Variants in NTNG1 observed in about 807,000 individuals in gnomAD.
The protein encoded by NTNG1 is netrin-G1.
NTNG1 carries 16 observed loss-of-function variants against 54.0 expected under a neutral mutation model. The ratio of observed to expected loss-of-function variants is 0.30; its 90% CI spans 0.20 to 0.45. The LOEUF (loss-of-function observed/expected upper bound fraction) is 0.45, where lower values mean the gene tolerates loss of function less well. Ranked by LOEUF, NTNG1 falls within the 20% of genes least tolerant of loss-of-function variation. The pLI is 1.00. For synonymous variants in NTNG1, 255 were observed against 263.1 expected, an observed-to-expected ratio of 0.97 and a Z score of 0.30; for missense variants, 530 against 678.7, an observed-to-expected ratio of 0.78 and a Z score of 2.43.
At chr1:107,475,890 C>G (rs548270229) in intron 7 of NTNG1, among the ~76,000 whole-genome samples, 1 of 152,124 alleles carries the variant, frequency 6.6e-6, no homozygotes, top group African/African-American at 2.4e-5. Context: ...AAAAATGTCT[C>G]CAGACATTGT....
intron 2 of NTNG1, among the ~76,000 whole-genome samples, chr1:107,290,417 G>A (rs975477834): frequency 5.3e-5 from 8 of 152,144 alleles, no homozygotes; most frequent in Non-Finnish European, 7.4e-5. Context: ...GCTGAAAGAC[G>A]TGGACCCTGA....
chr1:107,160,581 A>G (rs959169723), intron 2 of NTNG1, among the ~76,000 whole-genome samples: 2 of 151,078 alleles, frequency 1.3e-5, no homozygotes, highest in African/African-American at 4.9e-5. Context: ...ATTTAAAAAA[A>G]TCTCAGCCAG....
intron 2 of NTNG1, chr1:107,261,166 G>A (rs1663294931): frequency 6.6e-6 from 1 of 152,134 alleles, no homozygotes; most frequent in Non-Finnish European, 1.5e-5. Flanking sequence ...ACCAGGTCCT[G>A]GGTCCTGTGC....
At chr1:107,187,666 G>A (rs144329743) in intron 2 of NTNG1, among the ~76,000 whole-genome samples, 4 of 152,248 alleles carry the variant, frequency 2.6e-5, no homozygotes, top group Middle Eastern at 3.4e-3. Context: ...AAAGGACAAC[G>A]AAGAGTTAAC....
intron 6 of NTNG1, among the ~76,000 whole-genome samples, chr1:107,436,089 G>A (rs191492450): frequency 8.5e-5 from 13 of 152,196 alleles, no homozygotes; most frequent in African/African-American, 2.4e-4. Context: ...TTGTTAAGCT[G>A]GGCTGCATAA....
At chr1:107,342,370 CT>C (rs1441958254) in intron 3 of NTNG1, among the ~76,000 whole-genome samples, 1 of 152,026 alleles carries the variant, frequency 6.6e-6, no homozygotes, top group Non-Finnish European at 1.5e-5. Flanking sequence ...TCAGATTTAA[CT>C]GCTTTGCACA....
intron 7 of NTNG1, among the ~76,000 whole-genome samples, chr1:107,476,601 A>T (rs1426901808): frequency 6.6e-6 from 1 of 152,148 alleles, no homozygotes; most frequent in Non-Finnish European, 1.5e-5. Context: ...ACTCTCTCTT[A>T]TCCATTCACA....
intron 2 of NTNG1, among the ~76,000 whole-genome samples, chr1:107,299,347 G>T (rs1015519513): frequency 1.3e-5 from 2 of 152,092 alleles, no homozygotes; most frequent in Non-Finnish European, 2.9e-5. Context: ...AATAAAAATT[G>T]TAATAACAAA....
At chr1:107,249,367 A>T (rs960338694) in intron 2 of NTNG1, among the ~76,000 whole-genome samples, 1 of 151,678 alleles carries the variant, frequency 6.6e-6, no homozygotes, top group Non-Finnish European at 1.5e-5. Context: ...CTGTAATCCC[A>T]GCTACTCTGG....
chr1:107,295,129 TG>T (rs1665864656), intron 2 of NTNG1, among the ~76,000 whole-genome samples: 1 of 152,174 alleles, frequency 6.6e-6, no homozygotes, highest in Non-Finnish European at 1.5e-5. Flanking sequence ...TAGGGTTGGT[TG>T]GGATGTGCAG....
At chr1:107,262,339 G>T (rs1663409729) in intron 2 of NTNG1, among the ~76,000 whole-genome samples, 1 of 152,168 alleles carries the variant, frequency 6.6e-6, no homozygotes, top group African/African-American at 2.4e-5. Flanking sequence ...AATGAGGGCA[G>T]TTCAGGGAGA....
chr1:107,282,670 T>C (rs1404075265), intron 2 of NTNG1, among the ~76,000 whole-genome samples: 1 of 152,126 alleles, frequency 6.6e-6, no homozygotes, highest in East Asian at 1.9e-4. Context: ...AATCCACCCT[T>C]GGTTCTAGTT....
chr1:107,371,232 T>C (rs1048408413), intron 3 of NTNG1, among the ~76,000 whole-genome samples: 2 of 152,096 alleles, frequency 1.3e-5, no homozygotes, highest in African/African-American at 2.4e-5. Context: ...GTGGTTTTTC[T>C]TTCTTAGTTT....
intron 3 of NTNG1, among the ~76,000 whole-genome samples, chr1:107,353,438 C>T (rs1373835114): frequency 6.6e-6 from 1 of 152,160 alleles, no homozygotes; most frequent in Non-Finnish European, 1.5e-5. Context: ...CAAAGGTGAC[C>T]TTTACTCCTG....
intron 2 of NTNG1, among the ~76,000 whole-genome samples, chr1:107,281,200 G>A (rs1192150574): frequency 2.0e-5 from 3 of 151,878 alleles, no homozygotes; most frequent in Non-Finnish European, 4.4e-5. Flanking sequence ...GTTGTTATAT[G>A]TCTATTCCTC....
chr1:107,151,534 G>A (rs1385710507), intron 2 of NTNG1, among the ~76,000 whole-genome samples: 4 of 152,130 alleles, frequency 2.6e-5, no homozygotes, highest in African/African-American at 9.7e-5. Context: ...AATGTTTGCT[G>A]CAAAATTGTT....
At chr1:107,189,045 G>C (rs1052582145) in intron 2 of NTNG1, among the ~76,000 whole-genome samples, 1 of 151,908 alleles carries the variant, frequency 6.6e-6, no homozygotes, top group Non-Finnish European at 1.5e-5. Context: ...AATTTTGGGG[G>C]ACTGTAAGAG....
chr1:107,401,129 G>C (rs1673003523), intron 4 of NTNG1, among the ~76,000 whole-genome samples: 1 of 152,118 alleles, frequency 6.6e-6, no homozygotes, highest in African/African-American at 2.4e-5. Context: ...TGAGTTCTTG[G>C]AGGAACTTTA....
intron 2 of NTNG1, among the ~76,000 whole-genome samples, chr1:107,231,028 G>T (rs919909390): frequency 6.6e-6 from 1 of 152,154 alleles, no homozygotes; most frequent in African/African-American, 2.4e-5. Flanking sequence ...GGTAAAGATG[G>T]GTTTGGAGCC....
Sources: allele counts gnomAD v4.1 joint callset (sites outside exome capture counted in the v4.1 genomes callset), GRCh38; gene constraint gnomAD v4.1.1; transcripts MANE v1.5; gene names NCBI Gene and HGNC (gene_info 2026-07-23, HGNC 2026-07-21).